NME7: variants seen among roughly 807,000 people sequenced by gnomAD.
NME7 encodes the protein NME/NM23 family member 7.
A neutral mutation model predicts 49.1 loss-of-function variants in NME7; 41 were observed. The ratio of observed to expected loss-of-function variants is 0.83; its 90% CI spans 0.65 to 1.08. NME7 has a LOEUF of 1.08. Among genes scored for constraint, NME7 ranks in the 50% least tolerant of loss-of-function variants. The pLI is 0.00. For missense variants in NME7, 423 were observed against 463.4 expected (o/e 0.91, Z 0.80); for synonymous variants, 139 against 150.6 (o/e 0.92, Z 0.56).
chr1:169,160,313 C>A (rs1659206962), intron 11 of NME7, among the ~76,000 whole-genome samples: 1 of 152,244 alleles, frequency 6.6e-6, no homozygotes, highest in South Asian at 2.1e-4. Flanking sequence ...CACCCCTGGG[C>A]CAAACTGTTC....
At chr1:169,221,372 A>C (rs1366431805) in intron 10 of NME7, among the ~76,000 whole-genome samples, 2 of 152,044 alleles carry the variant, frequency 1.3e-5, no homozygotes, top group Non-Finnish European at 2.9e-5. Flanking sequence ...CATTATGAGG[A>C]CCTATGAGAT....
intron 9 of NME7, among the ~76,000 whole-genome samples, chr1:169,231,250 T>A (rs550417976): frequency 6.6e-6 from 1 of 152,280 alleles, no homozygotes; most frequent in African/African-American, 2.4e-5. Flanking sequence ...ATATTAAACA[T>A]CTAGAAACTA....
intron 10 of NME7, among the ~76,000 whole-genome samples, chr1:169,215,340 A>G (rs537579885): frequency 6.6e-6 from 1 of 152,244 alleles, no homozygotes; most frequent in East Asian, 1.9e-4. Flanking sequence ...GTAGTTTTGA[A>G]AAAGGCAACA....
chr1:169,343,379 T>C (rs1279762940), intron 1 of NME7, among the ~76,000 whole-genome samples: 1 of 152,142 alleles, frequency 6.6e-6, no homozygotes, highest in African/African-American at 2.4e-5. Context: ...CCTCATTGAA[T>C]GGTATTGACA....
intron 7 of NME7, among the ~76,000 whole-genome samples, chr1:169,278,879 T>C (rs553714381): frequency 6.6e-6 from 1 of 152,324 alleles, no homozygotes; most frequent in South Asian, 2.1e-4. Flanking sequence ...ATGTTCTTTC[T>C]GTTTGTTAGT....
intron 10 of NME7, among the ~76,000 whole-genome samples, chr1:169,200,524 G>A (rs1243856122): frequency 6.6e-6 from 1 of 152,088 alleles, no homozygotes; most frequent in African/African-American, 2.4e-5. Context: ...GCTCCCCTGT[G>A]AGATTGCCTT....
chr1:169,193,586 T>C (rs764567463), intron 10 of NME7, among the ~76,000 whole-genome samples: 8 of 152,148 alleles, frequency 5.3e-5, no homozygotes, highest in Non-Finnish European at 1.2e-4. Flanking sequence ...CTGCTGAGGG[T>C]TAACATTTGA....
intron 7 of NME7, among the ~76,000 whole-genome samples, chr1:169,252,582 G>T (rs553917605): frequency 6.6e-6 from 1 of 152,176 alleles, no homozygotes. Context: ...CCCATTTGTC[G>T]ATTTTGTCTT....
At chr1:169,238,494 C>CGT (rs113063336) in intron 7 of NME7, among the ~76,000 whole-genome samples, 1 of 150,244 alleles carries the variant, frequency 6.7e-6, no homozygotes, top group Non-Finnish European at 1.5e-5. Flanking sequence ...CACACACACA[C>CGT]ACACACACAC....
chr1:169,201,816 C>T, intron 10 of NME7, among the ~76,000 whole-genome samples: 1 of 151,988 alleles, frequency 6.6e-6, no homozygotes, highest in Admixed American at 6.6e-5. Context: ...AGACTGGAAA[C>T]AAGATTTGAG....
chr1:169,153,084 C>G (rs1024271352), intron 11 of NME7, among the ~76,000 whole-genome samples: 5 of 152,048 alleles, frequency 3.3e-5, no homozygotes, highest in African/African-American at 1.2e-4. Flanking sequence ...TGGACTTAGA[C>G]AAACTTGGGT....
chr1:169,156,473 CTATT>C (rs1267818079), intron 11 of NME7, among the ~76,000 whole-genome samples: 2 of 152,070 alleles, frequency 1.3e-5, no homozygotes, highest in Non-Finnish European at 2.9e-5. Context: ...ATGATTGTGT[CTATT>C]TATTTTATAT....
At chr1:169,156,973 G>A (rs12741323) in intron 11 of NME7, among the ~76,000 whole-genome samples, 41,075 of 152,100 alleles carry the variant, frequency 0.27, 6,128 homozygotes, top group Non-Finnish European at 0.34. Context: ...CAAACCATTC[G>A]CTTTCCACAT....
intron 7 of NME7, among the ~76,000 whole-genome samples, chr1:169,241,602 T>C (rs1443862221): frequency 3.3e-5 from 5 of 152,034 alleles, no homozygotes; most frequent in Non-Finnish European, 7.4e-5. Flanking sequence ...GTTCACACGA[T>C]ATATAGGAAG....
At chr1:169,220,495 T>C (rs1037571978) in intron 10 of NME7, among the ~76,000 whole-genome samples, 4 of 152,162 alleles carry the variant, frequency 2.6e-5, no homozygotes, top group African/African-American at 7.2e-5. Flanking sequence ...CCAACTAATA[T>C]ACGACATTGA....
intron 10 of NME7, among the ~76,000 whole-genome samples, chr1:169,210,705 C>G (rs6704482): frequency 6.6e-6 from 1 of 151,770 alleles, no homozygotes; most frequent in Non-Finnish European, 1.5e-5. Context: ...TTGCCAGTTA[C>G]GTCATAATCA....
At chr1:169,201,869 T>C (rs1272594598) in intron 10 of NME7, among the ~76,000 whole-genome samples, 2 of 151,994 alleles carry the variant, frequency 1.3e-5, no homozygotes, top group Admixed American at 6.6e-5. Flanking sequence ...TAAAAGTGGA[T>C]AGAATTATCA....
intron 10 of NME7, among the ~76,000 whole-genome samples, chr1:169,179,816 G>A (rs764691021): frequency 2.0e-5 from 3 of 152,200 alleles, no homozygotes; most frequent in African/African-American, 7.2e-5. Context: ...GCCTGTCAGA[G>A]GACCAGGGGT....
chr1:169,227,040 T>G (rs1017307861), intron 10 of NME7, among the ~76,000 whole-genome samples: 7 of 152,220 alleles, frequency 4.6e-5, no homozygotes, highest in Non-Finnish European at 1.0e-4. Flanking sequence ...GTCATCTTTT[T>G]TATGCCCCAG....
Sources: gnomAD v4.1 joint callset for allele counts (sites outside exome capture counted in the v4.1 genomes callset) on GRCh38, gnomAD v4.1.1 for gene constraint, MANE v1.5 for transcripts, NCBI Gene and HGNC (gene_info 2026-07-23, HGNC 2026-07-21) for gene names.